CAPN5: variants seen among roughly 807,000 people sequenced by gnomAD.
CAPN5 encodes the protein calpain 5.
CAPN5 carries 54 observed loss-of-function variants against 73.0 expected under a neutral mutation model. The ratio of observed to expected loss-of-function variants is 0.74; its 90% CI spans 0.59 to 0.93. The LOEUF is 0.93. CAPN5 is among the 40% of genes least tolerant of loss of function. The pLI is 0.00. For synonymous variants in CAPN5, 335 were observed against 356.9 expected, an observed-to-expected ratio of 0.94 and a Z score of 0.69; for missense variants, 785 against 882.9, an observed-to-expected ratio of 0.89 and a Z score of 1.41.
chr11:77,116,285 A>G lies in CAPN5; in HGVS notation c.953A>G (p.Gln318Arg), dbSNP rs1950467589. ...CGGGAGAAGATGGGTGTGACCGTGC[A>G]GGACGACGGTGAGTTCTGGTGAGTG... ...SEREKMGVTV[Q>R]DDGEFWMTFE... The change falls in exon 7 of 13, where the codon CAG (glutamine) becomes CGG (arginine). Residue 318 changes from glutamine (Q) to arginine (R), a missense_variant. Coordinates refer to ENST00000648180, the MANE Select transcript of CAPN5 (RefSeq NM_004055.5). 1 of 1,613,578 alleles carries G rather than the reference A, an allele frequency of 6.2e-7. No homozygotes were observed. Among genetic ancestry groups the G allele is most frequent in the Non-Finnish European group, 8.5e-7 (1 of 1,179,794 alleles).
rs1349093046 is a variant in CAPN5, at chr11:77,123,692, G to C, written c.1745G>C (p.Trp582Ser). The C allele has an allele frequency of 2.5e-6, 4 of 1,613,094 alleles. No individual in the cohort carries two copies. In the African/African-American group the frequency reaches 5.3e-5, roughly 22 times the overall value. ...TGATCCTCTGTCTCTTCCCAGGTCT[G>C]GAACCACCGAGTGCTGAAGGATGAA... ...KLSQPITVQV[W>S]NHRVLKDEFL... Residue 582 changes from tryptophan (W) to serine (S), a missense_variant, in exon 13 of 13, where the codon TGG becomes TCG. By Grantham distance (177) the Trp-to-Ser change is radical (BLOSUM62 -3). Coordinates refer to ENST00000648180, the MANE Select transcript of CAPN5 (RefSeq NM_004055.5).
chr11:77,093,586 CTGT>C (rs1950174852), intron 2 of CAPN5, 93 bp from the exon 3 acceptor site: 1 of 778,342 alleles, frequency 1.3e-6, no homozygotes, highest in Non-Finnish European at 1.8e-6. Flanking sequence ...CACAGCAAGT[CTGT>C]GTCTGTCACG....
At chr11:77,091,784 C>G (rs1950151127) in intron 2 of CAPN5, among the ~76,000 whole-genome samples, 1 of 152,194 alleles carries the variant, frequency 6.6e-6, no homozygotes, top group African/African-American at 2.4e-5. Context: ...CTGACCCTTC[C>G]TGGTTGCATC....
intron 10 of CAPN5, 31 bp from the exon 11 acceptor site, chr11:77,121,903 C>T: frequency 7.7e-7 from 1 of 1,300,420 alleles, no homozygotes; most frequent in South Asian, 1.4e-5. Context: ...CCTTCTCCAT[C>T]ACTCCCCTCT....
In CAPN5 at chr11:77,073,104, C is replaced by A. The variant is rs905184181; in HGVS notation, c.-36+6010C>A. The A allele has an allele frequency of 4.0e-5, 51 of 1,289,690 alleles. No homozygotes were observed. In the African/African-American group the frequency reaches 6.8e-4, roughly 17 times the overall value. 79.9% of individuals were successfully genotyped at this position (1,289,690 alleles called of 1,614,324 possible). ...TATCTACCTGCTGTCAGCACTTTCTCTGCAGGACCTGGTGCTGGACTGGGA... is the reference window on the plus strand; with the variant it reads ...TATCTACCTGCTGTCAGCACTTTCTATGCAGGACCTGGTGCTGGACTGGGA... On this transcript the variant is annotated intron_variant, in intron 1 of 12. Coordinates refer to ENST00000648180, the MANE Select transcript of CAPN5 (RefSeq NM_004055.5).
intron 3 of CAPN5, among the ~76,000 whole-genome samples, chr11:77,100,047 G>T (rs1437843872): frequency 6.6e-6 from 1 of 152,158 alleles, no homozygotes; most frequent in Non-Finnish European, 1.5e-5. Flanking sequence ...ACGTTGGCCA[G>T]GCTGGTCTCA....
At position 77,086,314 on chromosome 11, in the gene CAPN5, CCGTAGA is replaced by C. The variant is rs1950085892; in HGVS notation, c.165+1264_165+1269del. On this transcript the variant is annotated intron_variant, in intron 2 of 12. Coordinates refer to ENST00000648180, the MANE Select transcript of CAPN5 (RefSeq NM_004055.5). ...CGAGTCCCTTCTGACTGAAAATACC[CCGTAGA>C]TGTCCTTGGACTGGGACTCTTGAGT... Among the ~76,000 whole-genome samples, 4 of 152,288 alleles carry C rather than the reference CCGTAGA, an allele frequency of 2.6e-5. No homozygotes were observed. In the East Asian group the frequency reaches 7.7e-4, roughly 29 times the overall value.
rs782100643 is a variant in CAPN5 at position 77,123,866 on chromosome 11, T to G, written c.1919T>G (p.Val640Gly). ...CTCAGCAGCACCTCCCTCATGGCTG[T>G]CTGACACCTGCCCACCTACCTGGCT... ...HILSSTSLMA[V>G] Residue 640 changes from valine (V) to glycine (G), a missense_variant, in exon 13 of 13, where the codon GTC becomes GGC. Physicochemically the swap from Val to Gly is moderately radical, Grantham distance 109. Transcript: ENST00000648180. The G allele has an allele frequency of 1.9e-6, 3 of 1,612,614 alleles. No homozygotes were observed. The highest frequency in any genetic ancestry group is 2.7e-5 in the African/African-American group (2 of 74,898).
intron 1 of CAPN5, chr11:77,073,102 C>T (rs1023678162): frequency 2.3e-6 from 3 of 1,289,784 alleles, no homozygotes; most frequent in Non-Finnish European, 2.0e-6. Context: ...TCAGCACTTT[C>T]TCTGCAGGAC....
At chr11:77,086,341 T>A (rs912183491) in intron 2 of CAPN5, among the ~76,000 whole-genome samples, 14 of 152,162 alleles carry the variant, frequency 9.2e-5, no homozygotes, top group Non-Finnish European at 1.6e-4. Flanking sequence ...CTGGGACTCT[T>A]GAGTGGCAGA....
intron 3 of CAPN5, among the ~76,000 whole-genome samples, chr11:77,104,626 C>G (rs1029183301): frequency 6.6e-6 from 1 of 152,212 alleles, no homozygotes; most frequent in Admixed American, 6.5e-5. Flanking sequence ...AGAGAGCCCC[C>G]CCTTTTGGGG....
At chr11:77,113,702 C>G (rs1555041123) in intron 4 of CAPN5, among the ~76,000 whole-genome samples, 2 of 152,236 alleles carry the variant, frequency 1.3e-5, no homozygotes, top group African/African-American at 4.8e-5. Context: ...AGCCAGCCCC[C>G]TGGTGGCCAC....
At position 77,103,353 on chromosome 11, in the gene CAPN5, C is replaced by G. The variant is rs781843723; in HGVS notation, c.298-9236C>G. ...CTGACAGCAGCTGCCAGCTGCTGCT[C>G]TCCTCTAGCCCACCTGTGCTCTCCC... is the stretch of plus-strand genomic sequence containing the variant. On this transcript the variant is annotated intron_variant, in intron 3 of 12. Coordinates refer to ENST00000648180, the MANE Select transcript of CAPN5 (RefSeq NM_004055.5). 9.7e-5 allele frequency: 154 copies of G among 1,593,820 alleles called. 1 individual carries two copies. Among genetic ancestry groups the G allele is most frequent in the Non-Finnish European group, 1.7e-6 (2 of 1,169,668 alleles).
chr11:77,085,136 G>T, intron 2 of CAPN5, 85 bp downstream of exon 2: 1 of 1,215,186 alleles, frequency 8.2e-7, no homozygotes, highest in East Asian at 2.4e-5. Flanking sequence ...CGGGGTGGTG[G>T]GAGGAGGCAT....
intron 10 of CAPN5, 86 bp downstream of exon 10, chr11:77,120,995 C>A: frequency 7.7e-7 from 1 of 1,302,650 alleles, no homozygotes; most frequent in South Asian, 1.3e-5. Context: ...CAGAGATGCT[C>A]AGTGTCTCTG....
intron 12 of CAPN5, 28 bp downstream of exon 12, chr11:77,122,740 C>T: frequency 6.2e-7 from 1 of 1,611,380 alleles, no homozygotes; most frequent in Non-Finnish European, 8.5e-7. Flanking sequence ...GAGGCCACCT[C>T]CTGGGCTCCT....
intron 9 of CAPN5, 51 bp from the exon 10 acceptor site, chr11:77,120,662 G>T: frequency 1.5e-6 from 2 of 1,322,018 alleles, no homozygotes; most frequent in South Asian, 1.4e-5. Context: ...GGTGGGCCAG[G>T]GTGTTGTAGG....
intron 2 of CAPN5, among the ~76,000 whole-genome samples, chr11:77,088,664 G>T (rs545157004): frequency 1.3e-5 from 2 of 152,268 alleles, no homozygotes; most frequent in Admixed American, 6.5e-5. Context: ...TTCCAGGAGG[G>T]TGGTGACTAG....
chr11:77,097,013 G>C (rs944978122), intron 3 of CAPN5, among the ~76,000 whole-genome samples: 46 of 152,124 alleles, frequency 3.0e-4, no homozygotes, highest in Non-Finnish European at 6.3e-4. Context: ...ACGAGGTCAG[G>C]AGATCAAGAC....
Sources: allele counts gnomAD v4.1 joint callset (sites outside exome capture counted in the v4.1 genomes callset), GRCh38; gene constraint gnomAD v4.1.1; transcripts MANE v1.5; gene names NCBI Gene and HGNC (gene_info 2026-07-23, HGNC 2026-07-21).